The following C5orf52 variants were observed in gnomAD, a reference collection of about 807,000 sequenced individuals.
The protein encoded by C5orf52 is chromosome 5 open reading frame 52, also known as uncharacterized protein C5orf52.
In C5orf52, 15 loss-of-function variants were observed where a neutral mutation model predicts 16.8. The observed-to-expected ratio is 0.89, with a 90% confidence interval of 0.60 to 1.38. C5orf52 has a LOEUF of 1.38. Ranked by LOEUF, C5orf52 falls within the 40% of genes most tolerant of loss-of-function variation. The pLI is 0.00. For missense variants in C5orf52, 206 were observed against 213.1 expected (o/e 0.97, Z 0.21); for synonymous variants, 83 against 87.2 (o/e 0.95, Z 0.27).
chr5:157,671,660 T>A lies in C5orf52; in HGVS notation c.46T>A (p.Ser16Thr), dbSNP rs762925604. ...CTCGGTCACCTGTGACCAGGGATCC[T>A]CCACGATCGGCGGGACCGCCGCCCA... The part of the protein sequence containing the change: ...RPSVTCDQGS[S>T]TIGGTAAQAT... Residue 16 changes from serine (S) to threonine (T), a missense_variant, in exon 1 of 3, where the codon TCC (serine) becomes ACC (threonine). By Grantham distance (58) the Ser-to-Thr change is moderately conservative (BLOSUM62 1). Coordinates refer to ENST00000409999, the MANE Select transcript of C5orf52 (RefSeq NM_001145132.2). 13 of 1,551,408 alleles carry A rather than the reference T, an allele frequency of 8.4e-6. No individual in the cohort carries two copies. In the South Asian group the frequency reaches 1.4e-4, roughly 17 times the overall value.
At chr5:157,676,007 A>C (rs900614997) in intron 2 of C5orf52, among the ~76,000 whole-genome samples, 2 of 152,140 alleles carry the variant, frequency 1.3e-5, no homozygotes, top group Non-Finnish European at 2.9e-5. Flanking sequence ...ACAAGTGAAC[A>C]AGATGGACTC....
rs1216665336 is a variant in C5orf52, at chr5:157,671,640, T to A, written c.26T>A (p.Val9Asp). 15 of 1,550,772 alleles carry A rather than the reference T, an allele frequency of 9.7e-6. No individual in the cohort carries two copies. Among genetic ancestry groups the A allele is most frequent in the Middle Eastern group, 1.7e-4 (1 of 6,008 alleles). Residue 9 changes from valine to aspartate, a missense_variant, in exon 1 of 3, where the codon GTC becomes GAC. Transcript: ENST00000409999. MTQPTRPS[V>D]TCDQGSSTIG... ...ATGACACAGCCGACTAGGCCCTCGG[T>A]CACCTGTGACCAGGGATCCTCCACG...
At chr5:157,678,072 A>G (rs1759938294) in intron 2 of C5orf52, among the ~76,000 whole-genome samples, 1 of 152,206 alleles carries the variant, frequency 6.6e-6, no homozygotes, top group Admixed American at 6.5e-5. Flanking sequence ...GTGCATGACA[A>G]AAGTGGAGAT....
At chr5:157,671,062 A>C (rs138331795), upstream of C5orf52, among the ~76,000 whole-genome samples, 620 of 152,312 alleles carry the variant, frequency 4.1e-3, 5 homozygotes, top group African/African-American at 0.014. Context: ...GGATTCATTC[A>C]GGAAGCAGCC....
intron 2 of C5orf52, among the ~76,000 whole-genome samples, chr5:157,677,015 C>T (rs116553728): frequency 0.089 from 13,565 of 151,990 alleles, 708 homozygotes; most frequent in Middle Eastern, 0.15. Context: ...ATTACAGGCA[C>T]GTGCCATCAT....
chr5:157,672,107 G>A (rs918840199), intron 1 of C5orf52, among the ~76,000 whole-genome samples: 4 of 152,262 alleles, frequency 2.6e-5, no homozygotes, highest in Non-Finnish European at 5.9e-5. Flanking sequence ...CTCAGAATCG[G>A]TCCTGGCCCG....
In C5orf52 at chr5:157,675,142, A is replaced by G. The variant is rs1390412696; in HGVS notation, c.263A>G (p.His88Arg). The G allele has an allele frequency of 1.9e-6, 3 of 1,551,580 alleles. No individual in the cohort carries two copies. The highest frequency in any genetic ancestry group is 2.6e-6 in the Non-Finnish European group (3 of 1,146,804). ...ATGAAAAAAACTTTACCCAAGAGCC[A>G]TTTATCTCGGGTGATTATTCATGAT... ...AAMKKTLPKS[H>R]LSRVIIHDNR... Residue 88 changes from histidine (H) to arginine (R), a missense_variant, in exon 2 of 3, where the codon CAT becomes CGT. His to Arg is a conservative substitution (Grantham distance 29). Coordinates refer to ENST00000409999, the MANE Select transcript of C5orf52 (RefSeq NM_001145132.2).
intron 2 of C5orf52, among the ~76,000 whole-genome samples, chr5:157,677,608 C>A: frequency 6.9e-6 from 1 of 145,136 alleles, no homozygotes; most frequent in Non-Finnish European, 1.5e-5. Context: ...GAGCCAATAT[C>A]GCATAATTGC....
At chr5:157,678,767 A>C (rs1759954642) in intron 2 of C5orf52, among the ~76,000 whole-genome samples, 1 of 152,018 alleles carries the variant, frequency 6.6e-6, no homozygotes, top group Non-Finnish European at 1.5e-5. Context: ...AGCCAAGTGA[A>C]ATTTGTCGTG....
chr5:157,679,153 A>G (rs188924242), intron 2 of C5orf52, among the ~76,000 whole-genome samples: 100 of 152,006 alleles, frequency 6.6e-4, no homozygotes, highest in African/African-American at 2.1e-3. Flanking sequence ...AAAAAAAAAG[A>G]AATATTTGGG....
Position 157,680,128 on chromosome 5 carries a change from C to T in C5orf52, c.*129C>T, listed in dbSNP as rs955630842. On this transcript the variant is annotated 3_prime_UTR_variant, in exon 3 of 3. Coordinates refer to ENST00000409999, the MANE Select transcript of C5orf52 (RefSeq NM_001145132.2). ...ACCTACACAACTGTAGAACAATAAACAGAAACCAGCAGACAGCGGAGCATA... is the reference window on the plus strand; with the variant it reads ...ACCTACACAACTGTAGAACAATAAATAGAAACCAGCAGACAGCGGAGCATA... 5 of 797,000 alleles carry T rather than the reference C, an allele frequency of 6.3e-6. No homozygotes were observed. The African/African-American group carries it at 8.7e-5, about 14-fold the overall frequency. The allele number at this position is 797,000 out of a possible 1,614,324, so 49.4% of individuals were successfully genotyped here.
At chr5:157,671,520 C>G, upstream of C5orf52, 1 of 1,065,652 alleles carries the variant, frequency 9.4e-7, no homozygotes, top group Non-Finnish European at 1.3e-6. Context: ...TTCAGGGCTC[C>G]GCCCAGGGAC....
chr5:157,678,624 G>T (rs1007413706), intron 2 of C5orf52, among the ~76,000 whole-genome samples: 2 of 151,980 alleles, frequency 1.3e-5, no homozygotes, highest in African/African-American at 4.8e-5. Flanking sequence ...ACCCAGCTAG[G>T]TTTTTTTTGT....
At chr5:157,679,719 G>C (rs1009650695) in intron 2 of C5orf52, 122 bp from the exon 3 acceptor site, 2 of 849,640 alleles carry the variant, frequency 2.4e-6, no homozygotes, top group Non-Finnish European at 1.8e-6. Context: ...AATGTACATA[G>C]GGTCCAGCTG....
intron 1 of C5orf52, among the ~76,000 whole-genome samples, chr5:157,674,634 G>A (rs1340928902): frequency 6.6e-6 from 1 of 152,172 alleles, no homozygotes; most frequent in East Asian, 1.9e-4. Context: ...CAGGCATGGT[G>A]GCGAGTGCCT....
intron 2 of C5orf52, 77 bp downstream of exon 2, chr5:157,675,277 G>A (rs1472971538): frequency 1.1e-6 from 1 of 889,142 alleles, no homozygotes; most frequent in Admixed American, 2.1e-5. Context: ...CCTATATGCT[G>A]GGATATCATA....
rs528188481 is a variant in C5orf52 at position 157,680,138 on chromosome 5, C to G, written c.*139C>G. On this transcript the variant is annotated 3_prime_UTR_variant, in exon 3 of 3. Coordinates refer to ENST00000409999, the MANE Select transcript of C5orf52 (RefSeq NM_001145132.2). ...CTGTAGAACAATAAACAGAAACCAG[C>G]AGACAGCGGAGCATAATAAATCCTC... 3.4e-5 allele frequency: 26 copies of G among 763,894 alleles called. No homozygotes were observed. The African/African-American group carries it at 4.1e-4, about 12-fold the overall frequency. The allele number at this position is 763,894 out of a possible 1,614,324, so 47.3% of individuals were successfully genotyped here. A position where few individuals can be genotyped will look rare whatever the true frequency, so the allele number is the denominator to read the frequency against.
chr5:157,671,769 G>C lies in C5orf52; in HGVS notation c.155G>C (p.Gly52Ala), dbSNP rs756763224. The change falls in exon 1 of 3, where the codon GGT becomes GCT. Residue 52 changes from glycine (G) to alanine (A), a missense_variant. Gly to Ala is a moderately conservative substitution (Grantham distance 60). Transcript: ENST00000409999. ...CGCCGCCCAGAAATCGGCGTAGGGG[G>C]TCAGCCGCAGATCTGCTTTCCGCGG... ...LGRRPEIGVG[G>A]QPQICFPRPR... 2 of 1,550,326 alleles carry C rather than the reference G, an allele frequency of 1.3e-6. No individual in the cohort carries two copies. The highest frequency in any genetic ancestry group is 1.7e-6 in the Non-Finnish European group (2 of 1,146,510).
intron 2 of C5orf52, among the ~76,000 whole-genome samples, chr5:157,675,558 C>T (rs536798821): frequency 2.4e-4 from 37 of 152,212 alleles, no homozygotes; most frequent in African/African-American, 6.3e-4. Flanking sequence ...AATCCCAGCA[C>T]TTTGGGAGGC....
Sources: allele counts gnomAD v4.1 joint callset (sites outside exome capture counted in the v4.1 genomes callset), GRCh38; gene constraint gnomAD v4.1.1; transcripts MANE v1.5; gene names NCBI Gene and HGNC (gene_info 2026-07-23, HGNC 2026-07-21).